ARAP2: variants seen among roughly 807,000 people sequenced by gnomAD.
The protein encoded by ARAP2 is ArfGAP with RhoGAP domain, ankyrin repeat and PH domain 2.
Under a neutral mutation model 194.5 loss-of-function variants are expected in ARAP2, and 148 were observed. That is an observed-to-expected ratio of 0.76 (90% CI 0.67 to 0.87). The LOEUF is 0.87. ARAP2 is among the 40% of genes least tolerant of loss of function. The pLI, the probability that ARAP2 is intolerant of heterozygous loss-of-function variation, is 0.00. For missense variants in ARAP2, 2,128 were observed against 1,989.7 expected (o/e 1.07, Z -1.32); for synonymous variants, 695 against 683.5 (o/e 1.02, Z -0.26).
At chr4:36,065,364 T>C, downstream of ARAP2, 1 of 522,588 alleles carries the variant, frequency 1.9e-6, no homozygotes, top group Non-Finnish European at 3.9e-6. Flanking sequence ...GGCCAGGCCC[T>C]TCTTCTCATA....
intron 30 of ARAP2, among the ~76,000 whole-genome samples, chr4:36,080,925 T>C (rs948372433): frequency 4.6e-5 from 7 of 152,240 alleles, no homozygotes; most frequent in Non-Finnish European, 8.8e-5. Flanking sequence ...AGTGCAAACA[T>C]AGAAACCACA....
chr4:36,021,737 A>C (rs1716982434), intron 5 of ARAP2, among the ~76,000 whole-genome samples: 1 of 151,114 alleles, frequency 6.6e-6, no homozygotes, highest in South Asian at 2.1e-4. Context: ...TATGTGATAC[A>C]TTGAACAAGA....
At chr4:36,086,641 A>G (rs1342360177) in intron 28 of ARAP2, among the ~76,000 whole-genome samples, 1 of 152,132 alleles carries the variant, frequency 6.6e-6, no homozygotes, top group African/African-American at 2.4e-5. Flanking sequence ...TCAATATACT[A>G]GACTATTATG....
rs1440131502 is a variant in ARAP2, at chr4:36,219,464, T to G, written c.906-4984A>C. 2.6e-5 allele frequency among the ~76,000 whole-genome samples: 4 copies of G among 152,140 alleles called. No individual in the cohort carries two copies. In the East Asian group the frequency reaches 7.7e-4, roughly 29 times the overall value. ...TATAAAATTCCCAAATAGGCAAAAC[T>G]AACTAATAGTGAAATCTACAGGTGC... On this transcript the variant is annotated intron_variant, in intron 2 of 32. Coordinates refer to ENST00000303965, the MANE Select transcript of ARAP2 (RefSeq NM_015230.4).
chr4:36,049,721 T>C (rs564100085), intron 3 of ARAP2, among the ~76,000 whole-genome samples: 75 of 152,036 alleles, frequency 4.9e-4, no homozygotes, highest in Non-Finnish European at 8.8e-4. Flanking sequence ...TTAAATAATG[T>C]TAAAGAAAAC....
chr4:36,113,399 G>A (rs573578745), intron 26 of ARAP2, among the ~76,000 whole-genome samples: 4 of 151,890 alleles, frequency 2.6e-5, no homozygotes, highest in East Asian at 1.9e-4. Flanking sequence ...TGACAATCCC[G>A]TTTCATTTTA....
rs550547469 is a variant in ARAP2 at position 36,055,184 on chromosome 4, G to A, written n.321+2786C>T. Among the ~76,000 whole-genome samples the A allele has an allele frequency of 2.0e-5, 3 of 152,260 alleles. No individual in the cohort carries two copies. In the South Asian group the frequency reaches 6.2e-4, roughly 32 times the overall value. On this transcript the variant is annotated intron_variant and non_coding_transcript_variant, in intron 2 of 12. Coordinates refer to the ARAP2 transcript ENST00000503225. ...ATCCCGAGACATAGGTACAACATCT[G>A]TCACTGAATGAGATTTAGCGTTTCC...
At position 36,080,212 on chromosome 4, in the gene ARAP2, G is replaced by A. The variant is rs370973352; in HGVS notation, c.4608+4C>T. 29 of 1,611,114 alleles carry A rather than the reference G, an allele frequency of 1.8e-5. No individual in the cohort carries two copies. Among genetic ancestry groups the A allele is most frequent in the African/African-American group, 4.0e-5 (3 of 74,892 alleles). On this transcript the variant is annotated splice_donor_region_variant and intron_variant, in intron 31 of 32. Transcript: ENST00000303965. ...CTACTGGATAGTTCAAACAAATCTC[G>A]TACCTGGGCAATAAAGATACTGGTC...
chr4:36,121,092 G>T, intron 23 of ARAP2, 87 bp downstream of exon 23: 1 of 1,007,324 alleles, frequency 9.9e-7, no homozygotes, highest in South Asian at 2.9e-5. Context: ...ATAAAGATCT[G>T]AATAATAACA....
intron 9 of ARAP2, among the ~76,000 whole-genome samples, chr4:36,011,250 A>T (rs1219475629): frequency 6.6e-6 from 1 of 152,144 alleles, no homozygotes; most frequent in Non-Finnish European, 1.5e-5. Flanking sequence ...GTAAAACCTC[A>T]ACCACCATTA....
downstream of ARAP2, among the ~76,000 whole-genome samples, chr4:36,061,754 A>G (rs1724480613): frequency 6.6e-6 from 1 of 152,112 alleles, no homozygotes; most frequent in Non-Finnish European, 1.5e-5. Flanking sequence ...TCTCCATAGT[A>G]ATTGTACTTA....
intron 16 of ARAP2, among the ~76,000 whole-genome samples, chr4:36,149,837 G>A (rs1238023801): frequency 6.6e-6 from 1 of 152,062 alleles, no homozygotes; most frequent in East Asian, 1.9e-4. Context: ...ATATAATAAA[G>A]GTAATATGTT....
At chr4:36,049,474 C>A (rs1169709499) in intron 3 of ARAP2, among the ~76,000 whole-genome samples, 1 of 152,154 alleles carries the variant, frequency 6.6e-6, no homozygotes, top group Non-Finnish European at 1.5e-5. Context: ...GAGAGGCTAT[C>A]TTTGCCTTTT....
chr4:36,080,312 A>T (rs1392535632), intron 30 of ARAP2, 33 bp from the exon 31 acceptor site: 1 of 1,564,476 alleles, frequency 6.4e-7, no homozygotes. Flanking sequence ...TATGTCATTC[A>T]AAAAGACAAT....
intron 22 of ARAP2, 25 bp downstream of exon 22, chr4:36,124,837 G>C (rs766204461): frequency 1.4e-6 from 2 of 1,444,634 alleles, no homozygotes; most frequent in East Asian, 4.6e-5. Context: ...TTGAAATGTC[G>C]AGAAAAGTTC....
downstream of ARAP2, among the ~76,000 whole-genome samples, chr4:36,062,633 AGT>A (rs10641822): frequency 3.0e-3 from 437 of 147,962 alleles, 4 homozygotes; most frequent in East Asian, 8.3e-3. Flanking sequence ...TTTGTGTGAG[AGT>A]GTGTGTGTGT....
intron 6 of ARAP2, among the ~76,000 whole-genome samples, chr4:36,198,431 G>A (rs767736718): frequency 6.6e-5 from 10 of 152,222 alleles, no homozygotes; most frequent in Non-Finnish European, 1.3e-4. Flanking sequence ...GCCTGAAGGT[G>A]GGGACTCACC....
chr4:36,075,058 AT>A (rs376200699), intron 31 of ARAP2, among the ~76,000 whole-genome samples: 19 of 152,206 alleles, frequency 1.2e-4, no homozygotes, highest in African/African-American at 4.6e-4. Flanking sequence ...GCTTCACATT[AT>A]TTTTATGACA....
At chr4:36,214,929 TG>T (rs1747577258) in intron 2 of ARAP2, among the ~76,000 whole-genome samples, 1 of 152,208 alleles carries the variant, frequency 6.6e-6, no homozygotes, top group Admixed American at 6.5e-5. Context: ...GTCAAAAATG[TG>T]TCTGGCTCTG....
Sources: allele counts gnomAD v4.1 joint callset (sites outside exome capture counted in the v4.1 genomes callset), GRCh38; gene constraint gnomAD v4.1.1; transcripts MANE v1.5; gene names NCBI Gene and HGNC (gene_info 2026-07-23, HGNC 2026-07-21).